The following CADM2 variants were observed in gnomAD, a reference collection of about 807,000 sequenced individuals.
CADM2 encodes the protein cell adhesion molecule 2.
In CADM2, 12 loss-of-function variants were observed where a neutral mutation model predicts 49.8. The ratio of observed to expected loss-of-function variants is 0.24; its 90% CI spans 0.15 to 0.39. CADM2 has a LOEUF of 0.39. Ranked by LOEUF, CADM2 falls within the 10% of genes least tolerant of loss-of-function variation. The pLI is 1.00. For missense variants in CADM2, 378 were observed against 492.3 expected, an observed-to-expected ratio of 0.77 and a Z score of 2.20; for synonymous variants, 214 against 175.4, an observed-to-expected ratio of 1.22 and a Z score of -1.74.
At chr3:85,270,872 A>G (rs539265664) in intron 1 of CADM2, among the ~76,000 whole-genome samples, 1 of 151,600 alleles carries the variant, frequency 6.6e-6, no homozygotes, top group East Asian at 1.9e-4. Flanking sequence ...AATTTTATGA[A>G]AATGTTTACA....
chr3:85,055,413 AT>A (rs773520162), intron 1 of CADM2, among the ~76,000 whole-genome samples: 68 of 152,150 alleles, frequency 4.5e-4, no homozygotes, highest in Non-Finnish European at 8.5e-4. Flanking sequence ...ATGAAATTGC[AT>A]GCATGCCTTA....
chr3:85,434,250 T>C (rs973785140), intron 1 of CADM2, among the ~76,000 whole-genome samples: 8 of 152,040 alleles, frequency 5.3e-5, no homozygotes, highest in African/African-American at 1.9e-4. Flanking sequence ...AAAATCAATG[T>C]GTAACTTAAT....
Position 85,790,550 on chromosome 3 carries a change from C to G in CADM2, c.89-11497C>G, listed in dbSNP as rs567111494. ...GGGAGCCACTGTAAATCTGAAGGAG[C>G]CTTTTGTCATGGATCAGAAGCCAAC... On this transcript the variant is annotated intron_variant, in intron 2 of 9. Coordinates refer to ENST00000383699, the MANE Select transcript of CADM2 (RefSeq NM_001167675.2). 1.4e-4 allele frequency among the ~76,000 whole-genome samples: 21 copies of G among 152,230 alleles called. No individual in the cohort carries two copies. In the South Asian group the frequency reaches 3.1e-3, roughly 23 times the overall value.
chr3:85,005,657 G>T (rs1158079458), intron 1 of CADM2, among the ~76,000 whole-genome samples: 1 of 151,584 alleles, frequency 6.6e-6, no homozygotes, highest in African/African-American at 2.4e-5. Flanking sequence ...AACGTGAGTT[G>T]TTTTACCAAG....
At chr3:85,208,289 G>A (rs1023610678) in intron 1 of CADM2, among the ~76,000 whole-genome samples, 4 of 152,020 alleles carry the variant, frequency 2.6e-5, no homozygotes, top group Non-Finnish European at 2.9e-5. Flanking sequence ...TTTATGTAAC[G>A]TTACTAGAAA....
intron 3 of CADM2, among the ~76,000 whole-genome samples, chr3:85,867,686 A>G (rs150970986): frequency 9.1e-4 from 139 of 152,192 alleles, no homozygotes; most frequent in African/African-American, 3.2e-3. Flanking sequence ...GTGCTACAAG[A>G]AGAAATACTT....
At chr3:85,676,185 T>C (rs1382557789) in intron 1 of CADM2, among the ~76,000 whole-genome samples, 1 of 152,212 alleles carries the variant, frequency 6.6e-6, no homozygotes, top group Non-Finnish European at 1.5e-5. Context: ...ATTAATTCCA[T>C]GTAGCCTTCG....
chr3:85,159,380 A>G (rs28548622), intron 1 of CADM2, among the ~76,000 whole-genome samples: 27,042 of 152,010 alleles, frequency 0.18, 4,557 homozygotes, highest in African/African-American at 0.45. Context: ...ATTTTAAGGG[A>G]ATTGTGGAAG....
intron 7 of CADM2, among the ~76,000 whole-genome samples, chr3:85,957,462 A>T (rs562841975): frequency 6.6e-6 from 1 of 151,772 alleles, no homozygotes; most frequent in Non-Finnish European, 1.5e-5. Context: ...GACAGAAAAA[A>T]ACAAACTGTT....
At chr3:86,004,305 G>A (rs1730523284) in intron 8 of CADM2, among the ~76,000 whole-genome samples, 1 of 152,130 alleles carries the variant, frequency 6.6e-6, no homozygotes, top group African/African-American at 2.4e-5. Flanking sequence ...GAGATTAATG[G>A]CATCATTGGA....
At chr3:85,912,587 C>T in intron 6 of CADM2, 44 bp downstream of exon 6, 3 of 1,551,466 alleles carry the variant, frequency 1.9e-6, no homozygotes, top group African/African-American at 1.4e-5. Flanking sequence ...AGCAGCAAAT[C>T]TCTTCATCTG....
At chr3:85,894,424 C>T (rs1422434418) in intron 5 of CADM2, among the ~76,000 whole-genome samples, 1 of 151,810 alleles carries the variant, frequency 6.6e-6, no homozygotes, top group African/African-American at 2.4e-5. Flanking sequence ...TGCAGCACAC[C>T]AACATGGCAC....
At chr3:85,922,434 T>G (rs1056475124) in intron 6 of CADM2, among the ~76,000 whole-genome samples, 1 of 152,080 alleles carries the variant, frequency 6.6e-6, no homozygotes, top group Admixed American at 6.6e-5. Context: ...GACGTATTAA[T>G]GTAATAATAA....
intron 1 of CADM2, among the ~76,000 whole-genome samples, chr3:85,097,328 T>A (rs533251615): frequency 6.6e-6 from 1 of 152,100 alleles, no homozygotes; most frequent in Non-Finnish European, 1.5e-5. Flanking sequence ...AGGACATGAA[T>A]TCTTCATTTT....
chr3:85,223,608 T>A (rs2042087060), intron 1 of CADM2, among the ~76,000 whole-genome samples: 1 of 152,174 alleles, frequency 6.6e-6, no homozygotes, highest in Non-Finnish European at 1.5e-5. Flanking sequence ...TTTTATTTTT[T>A]ATTTTTTTAT....
intron 7 of CADM2, among the ~76,000 whole-genome samples, chr3:85,948,865 C>G (rs2108580119): frequency 6.6e-6 from 1 of 151,544 alleles, no homozygotes; most frequent in African/African-American, 2.4e-5. Context: ...CTTGCAAATC[C>G]AGAGTACCAC....
At chr3:85,515,633 T>TATA (rs1450614692) in intron 1 of CADM2, among the ~76,000 whole-genome samples, 10 of 121,786 alleles carry the variant, frequency 8.2e-5, no homozygotes, top group African/African-American at 3.0e-4. Context: ...ATATATATAT[T>TATA]TTTTTTTTTT....
intron 1 of CADM2, among the ~76,000 whole-genome samples, chr3:85,486,539 A>G (rs1017600332): frequency 3.3e-5 from 5 of 152,112 alleles, no homozygotes; most frequent in Non-Finnish European, 7.4e-5. Context: ...AAATTTAACT[A>G]TTATCAAGGA....
chr3:85,549,838 G>T (rs1167796914), intron 1 of CADM2, among the ~76,000 whole-genome samples: 2 of 147,492 alleles, frequency 1.4e-5, no homozygotes, highest in East Asian at 4.1e-4. Flanking sequence ...CACCGTGTTG[G>T]CCAGGCTGGT....
Sources: gnomAD v4.1 joint callset for allele counts (sites outside exome capture counted in the v4.1 genomes callset) on GRCh38, gnomAD v4.1.1 for gene constraint, MANE v1.5 for transcripts, NCBI Gene and HGNC (gene_info 2026-07-23, HGNC 2026-07-21) for gene names.